The following DAAM1 variants were observed in gnomAD, a reference collection of about 807,000 sequenced individuals.
The protein encoded by DAAM1 is dishevelled associated activator of morphogenesis 1, also known as disheveled-associated activator of morphogenesis 1.
Under a neutral mutation model 130.0 loss-of-function variants are expected in DAAM1, and 52 were observed. That is an observed-to-expected ratio of 0.40 (90% CI 0.32 to 0.50). DAAM1 has a LOEUF of 0.50. Ranked by LOEUF, DAAM1 falls within the 20% of genes least tolerant of loss-of-function variation. The pLI, the probability that DAAM1 is intolerant of heterozygous loss-of-function variation, is 0.61. For missense variants in DAAM1, 1,134 were observed against 1,303.8 expected, an observed-to-expected ratio of 0.87 and a Z score of 2.01; for synonymous variants, 452 against 444.5, an observed-to-expected ratio of 1.02 and a Z score of -0.21.
intron 16 of DAAM1, among the ~76,000 whole-genome samples, chr14:59,342,768 G>A (rs1426150423): frequency 1.3e-5 from 2 of 152,162 alleles, no homozygotes; most frequent in Non-Finnish European, 2.9e-5. Context: ...CATGGAGCCC[G>A]GCCATGTAGG....
chr14:59,278,425 A>G lies in DAAM1; in HGVS notation c.184-12792A>G, dbSNP rs143323196. 2.3e-3 allele frequency among the ~76,000 whole-genome samples: 353 copies of G among 152,316 alleles called. 1 individual carries two copies. Among genetic ancestry groups the G allele is most frequent in the African/African-American group, 8.0e-3 (331 of 41,570 alleles). Reference sequence around the variant, plus strand: ...CAGGACTAAGTGAGATTTCATTGCAATACCCAGAATGACACACAATTTTAA... The same window carrying G: ...CAGGACTAAGTGAGATTTCATTGCAGTACCCAGAATGACACACAATTTTAA... On this transcript the variant is annotated intron_variant, in intron 2 of 24. Transcript: ENST00000360909.
chr14:59,278,242 A>C (rs927925257), intron 2 of DAAM1, among the ~76,000 whole-genome samples: 1 of 152,128 alleles, frequency 6.6e-6, no homozygotes, highest in African/African-American at 2.4e-5. Flanking sequence ...TTAGCCTACT[A>C]TTGACCTTGA....
At chr14:59,234,855 GAT>G (rs1889240561) in intron 1 of DAAM1, among the ~76,000 whole-genome samples, 1 of 152,142 alleles carries the variant, frequency 6.6e-6, no homozygotes, top group Non-Finnish European at 1.5e-5. Flanking sequence ...AGCATGAATG[GAT>G]GTTGAATTTT....
At chr14:59,235,699 TCTTG>T (rs1185183073) in intron 1 of DAAM1, among the ~76,000 whole-genome samples, 1 of 152,216 alleles carries the variant, frequency 6.6e-6, no homozygotes, top group Non-Finnish European at 1.5e-5. Flanking sequence ...ATTTCTTTGC[TCTTG>T]CTTCTCTAGT....
At position 59,189,966 on chromosome 14, in the gene DAAM1, G is replaced by C. The variant is rs183912461; in HGVS notation, c.-38+1198G>C. Among the ~76,000 whole-genome samples, 8 of 152,252 alleles carry C rather than the reference G, an allele frequency of 5.3e-5. No individual in the cohort carries two copies. In the East Asian group the frequency reaches 9.7e-4, roughly 18 times the overall value. On this transcript the variant is annotated intron_variant, in intron 1 of 24. Transcript: ENST00000360909. ...TGCCACCGTGACCGTTTTGCTGGTA[G>C]TTTCTTGAGATTCGAGCAGGACCCA...
intron 3 of DAAM1, chr14:59,300,054 A>G (rs1404118719): frequency 6.6e-6 from 1 of 152,194 alleles, no homozygotes; most frequent in African/African-American, 2.4e-5. Context: ...TAAAAATTAA[A>G]TTCCTACTCT....
intron 1 of DAAM1, among the ~76,000 whole-genome samples, chr14:59,196,546 A>T (rs150051735): frequency 6.6e-6 from 1 of 152,296 alleles, no homozygotes; most frequent in East Asian, 1.9e-4. Flanking sequence ...AGTCGAGACC[A>T]TTCTGGCTAA....
intron 1 of DAAM1, among the ~76,000 whole-genome samples, chr14:59,194,755 T>G (rs2139381293): frequency 6.6e-6 from 1 of 152,386 alleles, no homozygotes; most frequent in South Asian, 2.1e-4. Context: ...GAGATACTTT[T>G]ATTTATTTTT....
chr14:59,324,641 A>G (rs752612001), intron 8 of DAAM1, among the ~76,000 whole-genome samples, 187 bp downstream of exon 8: 5 of 152,246 alleles, frequency 3.3e-5, no homozygotes, highest in Admixed American at 1.3e-4. Context: ...GCAGCACATT[A>G]TGTAGAGAAC....
chr14:59,258,635 C>T (rs528826929), intron 1 of DAAM1, among the ~76,000 whole-genome samples: 14 of 152,244 alleles, frequency 9.2e-5, no homozygotes, highest in Admixed American at 2.6e-4. Context: ...AGGGGTCCAG[C>T]GGAATGATTC....
intron 12 of DAAM1, among the ~76,000 whole-genome samples, chr14:59,328,568 C>T (rs945336671): frequency 6.6e-6 from 1 of 152,200 alleles, no homozygotes; most frequent in Non-Finnish European, 1.5e-5. Flanking sequence ...CAGCTCTCCC[C>T]CTTTCTCACT....
At chr14:59,279,022 C>T (rs1774123274) in intron 2 of DAAM1, among the ~76,000 whole-genome samples, 1 of 152,086 alleles carries the variant, frequency 6.6e-6, no homozygotes, top group South Asian at 2.1e-4. Context: ...GTTTGTTTTC[C>T]TGGGGCTCCA....
chr14:59,315,264 T>C lies in DAAM1; in HGVS notation c.274-16T>C, dbSNP rs753248668. On this transcript the variant is annotated splice_polypyrimidine_tract_variant and intron_variant, in intron 3 of 24. Transcript: ENST00000360909. Reference sequence around the variant, plus strand: ...ATATGTTGGGTGGTATGTCACTTTTTTTCCCCCCTTTTTAGGACCAGGAAG... The same window carrying C: ...ATATGTTGGGTGGTATGTCACTTTTCTTCCCCCCTTTTTAGGACCAGGAAG... The C allele has an allele frequency of 6.2e-7, 1 of 1,613,698 alleles. No homozygotes were observed. The highest frequency in any genetic ancestry group is 1.3e-5 in the African/African-American group (1 of 74,908).
At chr14:59,301,353 T>C (rs1301767043) in intron 3 of DAAM1, among the ~76,000 whole-genome samples, 1 of 152,116 alleles carries the variant, frequency 6.6e-6, no homozygotes, top group African/African-American at 2.4e-5. Context: ...GAGTGAACCC[T>C]ACACAGAGCA....
chr14:59,227,108 G>GATT (rs1566657722), intron 1 of DAAM1, among the ~76,000 whole-genome samples: 1 of 152,214 alleles, frequency 6.6e-6, no homozygotes, highest in Non-Finnish European at 1.5e-5. Flanking sequence ...AGAATAAAAT[G>GATT]ATTATATGGT....
intron 1 of DAAM1, among the ~76,000 whole-genome samples, chr14:59,199,200 T>C (rs192389257): frequency 1.3e-3 from 201 of 152,364 alleles, no homozygotes; most frequent in African/African-American, 4.7e-3. Flanking sequence ...TTTTGTAGGA[T>C]ATAAGGGATG....
intron 2 of DAAM1, among the ~76,000 whole-genome samples, chr14:59,279,532 A>G (rs546418258): frequency 6.6e-6 from 1 of 152,304 alleles, no homozygotes; most frequent in South Asian, 2.1e-4. Flanking sequence ...CAATGCAAAA[A>G]CAATCCAGCT....
intron 16 of DAAM1, among the ~76,000 whole-genome samples, chr14:59,345,672 C>T (rs974801655): frequency 2.0e-5 from 3 of 152,158 alleles, no homozygotes; most frequent in Non-Finnish European, 2.9e-5. Flanking sequence ...TTTGAGTGCG[C>T]GCTTTCAGTT....
chr14:59,337,071 G>A (rs1885655446), intron 15 of DAAM1, among the ~76,000 whole-genome samples: 1 of 152,076 alleles, frequency 6.6e-6, no homozygotes, highest in South Asian at 2.1e-4. Flanking sequence ...AGTTGCCAGT[G>A]AACTTCAAAA....
Sources: allele counts gnomAD v4.1 joint callset (sites outside exome capture counted in the v4.1 genomes callset), GRCh38; gene constraint gnomAD v4.1.1; transcripts MANE v1.5; gene names NCBI Gene and HGNC (gene_info 2026-07-23, HGNC 2026-07-21).